The following PPP3CA variants were observed in gnomAD, a reference collection of about 807,000 sequenced individuals.
PPP3CA encodes protein phosphatase 3 catalytic subunit alpha.
PPP3CA carries 14 observed loss-of-function variants against 66.5 expected under a neutral mutation model. That is an observed-to-expected ratio of 0.21 (90% CI 0.14 to 0.33). PPP3CA has a LOEUF of 0.33. Ranked by LOEUF, PPP3CA falls within the 10% of genes least tolerant of loss-of-function variation. The probability of loss-of-function intolerance (pLI) is 1.00; values close to 1 mark genes in which losing one functional copy is unlikely to be tolerated. For missense variants in PPP3CA, 317 were observed against 639.5 expected (o/e 0.50, Z 5.44); for synonymous variants, 232 against 226.2 (o/e 1.03, Z -0.23).
chr4:101,276,438 T>C (rs1444724890), intron 1 of PPP3CA, among the ~76,000 whole-genome samples: 2 of 152,146 alleles, frequency 1.3e-5, no homozygotes, highest in Non-Finnish European at 2.9e-5. Context: ...AATTAAACAG[T>C]TTAAAATAGT....
chr4:101,034,601 T>C (rs35203142), intron 11 of PPP3CA, among the ~76,000 whole-genome samples: 7,845 of 149,500 alleles, frequency 0.052, 261 homozygotes, highest in Non-Finnish European at 0.076. Context: ...ACCTGGTACA[T>C]AGCTCACATT....
chr4:101,125,095 G>A (rs976715588), intron 2 of PPP3CA, among the ~76,000 whole-genome samples: 1 of 151,316 alleles, frequency 6.6e-6, no homozygotes, highest in Non-Finnish European at 1.5e-5. Context: ...CTAAATGCTC[G>A]TTAGCACATA....
intron 2 of PPP3CA, among the ~76,000 whole-genome samples, chr4:101,113,293 G>C (rs1427716247): frequency 6.6e-6 from 1 of 152,006 alleles, no homozygotes; most frequent in African/African-American, 2.4e-5. Flanking sequence ...ACAAGCTCTT[G>C]GATCTATCCT....
At chr4:101,262,142 C>CA (rs1560686628) in intron 1 of PPP3CA, among the ~76,000 whole-genome samples, 2 of 151,694 alleles carry the variant, frequency 1.3e-5, no homozygotes, top group Admixed American at 1.3e-4. Context: ...TTTTCTTTAG[C>CA]AAAAAAAGAA....
chr4:101,158,693 G>T (rs1225958299), intron 2 of PPP3CA, among the ~76,000 whole-genome samples: 1 of 152,064 alleles, frequency 6.6e-6, no homozygotes, highest in African/African-American at 2.4e-5. Flanking sequence ...ATATCTGAAT[G>T]AGTCAGTCAA....
At chr4:101,061,914 CTTCT>C (rs1728479711) in intron 9 of PPP3CA, among the ~76,000 whole-genome samples, 1 of 151,966 alleles carries the variant, frequency 6.6e-6, no homozygotes, top group South Asian at 2.1e-4. Flanking sequence ...CTGTCTACTG[CTTCT>C]TTGAGAGCTA....
intron 6 of PPP3CA, among the ~76,000 whole-genome samples, chr4:101,092,467 G>C (rs1285674203): frequency 6.6e-6 from 1 of 150,492 alleles, no homozygotes; most frequent in Non-Finnish European, 1.5e-5. Flanking sequence ...TTTAAGTTCT[G>C]GAGTACATGT....
At chr4:101,154,058 C>A (rs1274339385) in intron 2 of PPP3CA, among the ~76,000 whole-genome samples, 2 of 152,090 alleles carry the variant, frequency 1.3e-5, no homozygotes. Flanking sequence ...TGCTACTTAA[C>A]AATAGAACCA....
At chr4:101,312,017 T>C (rs976051582) in intron 1 of PPP3CA, among the ~76,000 whole-genome samples, 27 of 152,228 alleles carry the variant, frequency 1.8e-4, no homozygotes, top group Non-Finnish European at 4.4e-5. Flanking sequence ...AAACTAATGA[T>C]AATAGTTGAC....
chr4:101,151,922 C>G (rs1723155945), intron 2 of PPP3CA, among the ~76,000 whole-genome samples: 1 of 152,026 alleles, frequency 6.6e-6, no homozygotes, highest in Non-Finnish European at 1.5e-5. Flanking sequence ...TCCCAAAGTG[C>G]TGGGATTACA....
intron 8 of PPP3CA, among the ~76,000 whole-genome samples, chr4:101,071,697 C>T (rs1173346932): frequency 1.3e-5 from 2 of 152,134 alleles, no homozygotes. Context: ...TCCTTTGTTC[C>T]CTGGTAAGGT....
rs541733738 is a variant in PPP3CA, at chr4:101,133,733, G to GA, written c.260-24656dup. ...ACCATTGACTTTCTTCACAGGAATA[G>GA]AAAAAAAACTACTTTAAATTTCACA... On this transcript the variant is annotated intron_variant, in intron 2 of 13. Transcript: ENST00000394854. 4.5e-3 allele frequency among the ~76,000 whole-genome samples: 676 copies of GA among 151,616 alleles called. 2 individuals are homozygous for GA. Among genetic ancestry groups the GA allele is most frequent in the Non-Finnish European group, 7.2e-3 (488 of 67,856 alleles).
At chr4:101,045,758 A>G (rs1409409899) in intron 10 of PPP3CA, among the ~76,000 whole-genome samples, 1 of 152,230 alleles carries the variant, frequency 6.6e-6, no homozygotes, top group Non-Finnish European at 1.5e-5. Flanking sequence ...ATTAGCATGT[A>G]TGCAACAGAG....
At chr4:101,344,549 G>C (rs1729918052) in intron 1 of PPP3CA, among the ~76,000 whole-genome samples, 1 of 152,082 alleles carries the variant, frequency 6.6e-6, no homozygotes, top group South Asian at 2.1e-4. Context: ...CCTATTTTGA[G>C]TCTACTATCC....
At chr4:101,214,873 A>G (rs1468526760) in intron 1 of PPP3CA, among the ~76,000 whole-genome samples, 1 of 152,110 alleles carries the variant, frequency 6.6e-6, no homozygotes, top group Admixed American at 6.6e-5. Flanking sequence ...ACATGCCTAT[A>G]ATTAGCGAGG....
chr4:101,158,044 ATAACT>A (rs1388356880), intron 2 of PPP3CA: 2 of 152,180 alleles, frequency 1.3e-5, no homozygotes, highest in Non-Finnish European at 2.9e-5. Flanking sequence ...TACTGATAAA[ATAACT>A]TTACTATGTT....
At position 101,040,645 on chromosome 4, in the gene PPP3CA, A is replaced by G. The variant is rs1034272866; in HGVS notation, c.1157-79T>C. 1.7e-5 allele frequency: 18 copies of G among 1,089,264 alleles called. No individual in the cohort carries two copies. In the African/African-American group the frequency reaches 2.4e-4, roughly 15 times the overall value. The allele number at this position is 1,089,264 out of a possible 1,614,324, so 67.5% of individuals were successfully genotyped here. A position where few individuals can be genotyped will look rare whatever the true frequency, so the allele number is the denominator to read the frequency against. On this transcript the variant is annotated intron_variant, in intron 10 of 13. Transcript: ENST00000394854. ...GATTTTACACATTTACACATACAAC[A>G]GACTCCAGTAAGCAAAATCAGTATT...
At chr4:101,159,748 A>G (rs528011158) in intron 2 of PPP3CA, among the ~76,000 whole-genome samples, 1 of 152,308 alleles carries the variant, frequency 6.6e-6, no homozygotes, top group African/African-American at 2.4e-5. Context: ...GTCTTATAAC[A>G]GGATTGCAAA....
intron 1 of PPP3CA, among the ~76,000 whole-genome samples, chr4:101,300,786 C>T (rs1026136086): frequency 1.3e-5 from 2 of 152,116 alleles, no homozygotes; most frequent in Admixed American, 6.5e-5. Flanking sequence ...CAGAACGAGA[C>T]TCTGCCACGT....
Sources: allele counts gnomAD v4.1 joint callset (sites outside exome capture counted in the v4.1 genomes callset), GRCh38; gene constraint gnomAD v4.1.1; transcripts MANE v1.5; gene names NCBI Gene and HGNC (gene_info 2026-07-23, HGNC 2026-07-21).